The following METTL8 variants were observed in gnomAD, a reference collection of about 807,000 sequenced individuals.
METTL8 encodes the protein tRNA N(3)-cytidine methyltransferase METTL8, mitochondrial.
A neutral mutation model predicts 48.7 loss-of-function variants in METTL8; 32 were observed. The observed-to-expected ratio is 0.66, with a 90% CI of 0.50 to 0.88. The LOEUF (loss-of-function observed/expected upper bound fraction) is 0.88, where lower values mean the gene tolerates loss of function less well. Ranked by LOEUF, METTL8 falls within the 40% of genes least tolerant of loss-of-function variation. METTL8 has a pLI of 0.00. For synonymous variants in METTL8, 136 were observed against 157.1 expected (o/e 0.87, Z 1.01); for missense variants, 464 against 474.4 (o/e 0.98, Z 0.20).
chr2:171,413,040 A>G (rs1245471329), intron 1 of METTL8, among the ~76,000 whole-genome samples: 1 of 152,218 alleles, frequency 6.6e-6, no homozygotes, highest in Non-Finnish European at 1.5e-5. Context: ...ATACAACTCA[A>G]TGAGCCAGTA....
intron 2 of METTL8, among the ~76,000 whole-genome samples, chr2:171,387,491 C>T (rs1186208217): frequency 2.0e-5 from 3 of 151,778 alleles, no homozygotes; most frequent in African/African-American, 7.3e-5. Flanking sequence ...GATTGAATCA[C>T]TGCACTCCAG....
upstream of METTL8, chr2:171,434,270 G>C (rs748137212): frequency 1.9e-6 from 1 of 535,590 alleles, no homozygotes; most frequent in East Asian, 4.6e-5. Flanking sequence ...TACATTTCCC[G>C]GTGAGAGAGC....
chr2:171,372,911 C>A (rs1387871410), intron 2 of METTL8, among the ~76,000 whole-genome samples: 5 of 152,164 alleles, frequency 3.3e-5, no homozygotes, highest in Admixed American at 1.3e-4. Flanking sequence ...GGTTCCAAGT[C>A]TTTGCTATTG....
chr2:171,336,835 G>A (rs532603782), intron 5 of METTL8, among the ~76,000 whole-genome samples: 1 of 150,224 alleles, frequency 6.7e-6, no homozygotes, highest in South Asian at 2.1e-4. Context: ...GCAGTTCACA[G>A]CTCAGTGGAA....
intron 3 of METTL8, among the ~76,000 whole-genome samples, chr2:171,354,124 T>C (rs1180017496): frequency 6.6e-6 from 1 of 152,226 alleles, no homozygotes; most frequent in Non-Finnish European, 1.5e-5. Flanking sequence ...GTTTAGTGCT[T>C]CCTTCAGGAG....
At position 171,317,021 on chromosome 2, in the gene METTL8, A is replaced by G. The variant is rs1463731345; in HGVS notation, c.*7151T>C. Among the ~76,000 whole-genome samples the G allele has an allele frequency of 2.0e-5, 3 of 152,230 alleles. No homozygotes were observed. Among genetic ancestry groups the G allele is most frequent in the South Asian group, 2.1e-4 (1 of 4,836 alleles). ...AGTTGCTCTCAGGAGGCAGAAGGTG[A>G]GAGAAATGAGGCAGCAATTACATAG... On this transcript the variant is annotated 3_prime_UTR_variant, in exon 10 of 10. Coordinates refer to ENST00000375258, the MANE Select transcript of METTL8 (RefSeq NM_001321154.2).
At chr2:171,388,947 C>T (rs1053625163) in intron 2 of METTL8, among the ~76,000 whole-genome samples, 1 of 152,188 alleles carries the variant, frequency 6.6e-6, no homozygotes, top group East Asian at 1.9e-4. Flanking sequence ...GTTCTGACTG[C>T]TCCACTGACC....
intron 2 of METTL8, among the ~76,000 whole-genome samples, chr2:171,372,625 C>CCTCCCCA (rs1686480540): frequency 6.6e-6 from 1 of 151,994 alleles, no homozygotes; most frequent in Non-Finnish European, 1.5e-5. Flanking sequence ...TAATGCTATC[C>CCTCCCCA]CTCCCCACTC....
Position 171,428,145 on chromosome 2 carries a change from T to C in METTL8, c.-13+5738A>G, listed in dbSNP as rs149231509. Among the ~76,000 whole-genome samples, 47 of 152,358 alleles carry C rather than the reference T, an allele frequency of 3.1e-4. No individual in the cohort carries two copies. In the East Asian group the frequency reaches 8.1e-3, roughly 26 times the overall value. On this transcript the variant is annotated intron_variant, in intron 1 of 9. Transcript: ENST00000375258. ...AAGAATAGAAAAAAAGAAGAACTAA[T>C]ATTTGTTCTATGCCCAAAACTAAGA...
chr2:171,431,939 C>T (rs536457839), intron 1 of METTL8, among the ~76,000 whole-genome samples: 1 of 152,370 alleles, frequency 6.6e-6, no homozygotes, highest in South Asian at 2.1e-4. Flanking sequence ...CTGTGGGAGT[C>T]ACTTGTGACA....
chr2:171,393,733 TC>T (rs2105569326), intron 1 of METTL8, among the ~76,000 whole-genome samples: 1 of 152,284 alleles, frequency 6.6e-6, no homozygotes, highest in East Asian at 1.9e-4. Context: ...GCATCACAGA[TC>T]ATTGGAGGTG....
At chr2:171,392,835 G>A (rs1029759666) in intron 1 of METTL8, among the ~76,000 whole-genome samples, 3 of 151,934 alleles carry the variant, frequency 2.0e-5, no homozygotes, top group Non-Finnish European at 4.4e-5. Context: ...GGTGGCTCAT[G>A]CCTGTAATCC....
intron 2 of METTL8, among the ~76,000 whole-genome samples, chr2:171,364,529 T>G (rs1685526991): frequency 6.6e-6 from 1 of 152,182 alleles, no homozygotes; most frequent in African/African-American, 2.4e-5. Flanking sequence ...ACATGCCCTA[T>G]AATTTGTTTG....
chr2:171,364,794 A>G (rs909479182), intron 2 of METTL8, among the ~76,000 whole-genome samples: 1 of 152,200 alleles, frequency 6.6e-6, no homozygotes, highest in Non-Finnish European at 1.5e-5. Flanking sequence ...TAATAATCAG[A>G]TATAAACCAA....
intron 2 of METTL8, among the ~76,000 whole-genome samples, chr2:171,385,250 A>C (rs1687932079): frequency 6.6e-6 from 1 of 151,596 alleles, no homozygotes; most frequent in African/African-American, 2.4e-5. Flanking sequence ...CCCCCTCTCT[A>C]AAAAAAATAA....
intron 1 of METTL8, among the ~76,000 whole-genome samples, chr2:171,430,480 A>T (rs934315021): frequency 1.3e-5 from 2 of 152,086 alleles, no homozygotes; most frequent in Non-Finnish European, 2.9e-5. Context: ...GCACATGTAT[A>T]CCTATATAAC....
At position 171,381,157 on chromosome 2, in the gene METTL8, G is replaced by T. The variant is rs181455501; in HGVS notation, c.143+10886C>A. ...AAACCTGACAAAAACCAGCAATGGG[G>T]AAAGGATTCCCTATATAAATGGTGC... On this transcript the variant is annotated intron_variant, in intron 2 of 9. Transcript: ENST00000375258. Among the ~76,000 whole-genome samples, 214 of 152,290 alleles carry T rather than the reference G, an allele frequency of 1.4e-3. 4 individuals are homozygous for T. The East Asian group carries it at 0.015, about 11-fold the overall frequency.
chr2:171,330,765 A>G, intron 6 of METTL8, 67 bp from the exon 7 acceptor site: 7 of 1,232,232 alleles, frequency 5.7e-6, no homozygotes, highest in Non-Finnish European at 6.7e-6. Context: ...TTTTTTTTTT[A>G]AATAAAAAGG....
At chr2:171,331,155 G>C (rs1180906630) in intron 6 of METTL8, among the ~76,000 whole-genome samples, 1 of 152,100 alleles carries the variant, frequency 6.6e-6, no homozygotes, top group Admixed American at 6.5e-5. Flanking sequence ...TCTGTCACCA[G>C]CATGGAGTGC....
Sources: allele counts gnomAD v4.1 joint callset (sites outside exome capture counted in the v4.1 genomes callset), GRCh38; gene constraint gnomAD v4.1.1; transcripts MANE v1.5; gene names NCBI Gene and HGNC (gene_info 2026-07-23, HGNC 2026-07-21).